Variants in SMURF1 observed in about 807,000 individuals in gnomAD.
SMURF1 encodes SMAD specific E3 ubiquitin protein ligase 1, also known as E3 ubiquitin-protein ligase SMURF1.
In SMURF1, 44 loss-of-function variants were observed where a neutral mutation model predicts 98.0. The observed-to-expected ratio is 0.45, with a 90% CI of 0.35 to 0.58. The LOEUF is 0.58. Among genes scored for constraint, SMURF1 ranks in the 20% least tolerant of loss-of-function variants. The probability of loss-of-function intolerance (pLI) is 0.00; values close to 1 mark genes in which losing one functional copy is unlikely to be tolerated. For synonymous variants in SMURF1, 396 were observed against 374.9 expected, an observed-to-expected ratio of 1.06 and a Z score of -0.65; for missense variants, 687 against 938.4, an observed-to-expected ratio of 0.73 and a Z score of 3.50.
At chr7:99,039,339 A>T (rs1332950678) in intron 13 of SMURF1, among the ~76,000 whole-genome samples, 2 of 151,020 alleles carry the variant, frequency 1.3e-5, no homozygotes, top group Non-Finnish European at 2.9e-5. Context: ...AGAGTGGAAG[A>T]TTTTCTTTTT....
At chr7:99,035,295 G>A in intron 16 of SMURF1, 1 of 593,296 alleles carries the variant, frequency 1.7e-6, no homozygotes, top group Non-Finnish European at 3.0e-6. Context: ...GTGCCCTGGA[G>A]TGGCTCCACA....
chr7:99,093,986 C>G, intron 1 of SMURF1, among the ~76,000 whole-genome samples: 1 of 152,066 alleles, frequency 6.6e-6, no homozygotes, highest in East Asian at 1.9e-4. Context: ...AATTTACGCA[C>G]AAGATTAACA....
intron 11 of SMURF1, among the ~76,000 whole-genome samples, chr7:99,044,438 C>T (rs1351973036): frequency 6.6e-6 from 1 of 152,232 alleles, no homozygotes; most frequent in East Asian, 1.9e-4. Flanking sequence ...ACCGTATAAA[C>T]TTTCATCCCT....
At chr7:99,078,731 G>T (rs1456687163) in intron 1 of SMURF1, among the ~76,000 whole-genome samples, 2 of 152,236 alleles carry the variant, frequency 1.3e-5, no homozygotes, top group Non-Finnish European at 2.9e-5. Context: ...CCTTTTATGA[G>T]AATCTAATGC....
At chr7:99,035,912 A>C in intron 15 of SMURF1, 196 bp from the exon 16 acceptor site, 1 of 607,424 alleles carries the variant, frequency 1.6e-6, no homozygotes, top group Non-Finnish European at 2.9e-6. Flanking sequence ...CGCCTCCTCC[A>C]AACGGGTCTC....
At chr7:99,107,204 T>C (rs184428922) in intron 1 of SMURF1, among the ~76,000 whole-genome samples, 1 of 152,324 alleles carries the variant, frequency 6.6e-6, no homozygotes, top group African/African-American at 2.4e-5. Flanking sequence ...ACCCTCACCA[T>C]GGGGAGCCTC....
In SMURF1 at chr7:99,047,864, C is replaced by T. The variant is rs199541992; in HGVS notation, c.972G>A (p.Lys324=). The T allele has an allele frequency of 3.5e-4, 561 of 1,613,938 alleles. 2 individuals are homozygous for T. The highest frequency in any genetic ancestry group is 1.6e-4 in the Non-Finnish European group (189 of 1,180,038). The change falls in exon 10 of 18, where the codon AAG becomes AAA. Residue 324 remains lysine (K), a synonymous_variant. Coordinates refer to ENST00000361368, the MANE Select transcript of SMURF1 (RefSeq NM_181349.3). ...GCAGTGGCAGCGGCTGGCTGGGCTC[C>T]TTGAGTTGGCACTGGTGACTTGAGA... ...HHIMNHQCQL[K]EPSQPLPLPS... is the part of the protein sequence containing the mutation.
chr7:99,097,119 T>C lies in SMURF1; in HGVS notation c.56-35282A>G, dbSNP rs539942499. On this transcript the variant is annotated intron_variant, in intron 1 of 17. Coordinates refer to ENST00000361368, the MANE Select transcript of SMURF1 (RefSeq NM_181349.3). Reference sequence around the variant, plus strand: ...AAAGTTTGTGAGATTCAGCTAAACTTAGAATGAAATTTATAAGATTAAATG... The same window carrying C: ...AAAGTTTGTGAGATTCAGCTAAACTCAGAATGAAATTTATAAGATTAAATG... Among the ~76,000 whole-genome samples the C allele has an allele frequency of 2.6e-5, 4 of 152,060 alleles. No individual in the cohort carries two copies. The South Asian group carries it at 6.2e-4, about 24-fold the overall frequency.
chr7:99,065,300 C>T (rs984642084), intron 1 of SMURF1, among the ~76,000 whole-genome samples: 6 of 151,998 alleles, frequency 3.9e-5, no homozygotes, highest in East Asian at 1.9e-4. Flanking sequence ...GTTGCCCAGG[C>T]GGGTCTGAAA....
intron 1 of SMURF1, chr7:99,121,029 C>T (rs2150622351): frequency 1.3e-5 from 2 of 151,820 alleles, no homozygotes; most frequent in East Asian, 3.9e-4. Flanking sequence ...ATAAGCTATT[C>T]TGTATAACAG....
At chr7:99,112,724 G>A (rs1797350920) in intron 1 of SMURF1, among the ~76,000 whole-genome samples, 1 of 152,000 alleles carries the variant, frequency 6.6e-6, no homozygotes, top group African/African-American at 2.4e-5. Flanking sequence ...TGCTTGAAGA[G>A]CTAAAAACAA....
At chr7:99,036,756 A>T (rs962553244) in intron 15 of SMURF1, among the ~76,000 whole-genome samples, 4 of 152,192 alleles carry the variant, frequency 2.6e-5, no homozygotes, top group Admixed American at 1.3e-4. Flanking sequence ...TGGTTCTCCC[A>T]AGACAGGAGA....
chr7:99,038,611 A>C (rs1360171483), intron 13 of SMURF1, 86 bp from the exon 14 acceptor site: 11 of 1,512,834 alleles, frequency 7.3e-6, no homozygotes, highest in African/African-American at 1.4e-5. Flanking sequence ...TACGACTGCC[A>C]AACCCGGGGC....
rs1269992893 is a variant in SMURF1, at chr7:99,057,243, T to A, written c.365A>T (p.Asn122Ile). The A allele has an allele frequency of 1.9e-6, 3 of 1,614,038 alleles. No homozygotes were observed. In the East Asian group the frequency reaches 6.7e-5, roughly 36 times the overall value. ...ACGAACTGCATCAGTATCTGAGGGG[T>A]TTAGTTTGCATAGATCCAAACGCTG... ...GYQRLDLCKLNPSDTDAVRGQ... is the reference protein window; with the variant it reads ...GYQRLDLCKLIPSDTDAVRGQ... The change falls in exon 5 of 18, where the codon AAC becomes ATC. Residue 122 changes from asparagine (N) to isoleucine (I), a missense_variant. Asn to Ile is a moderately radical substitution (Grantham distance 149, BLOSUM62 -3). Transcript: ENST00000361368.
At chr7:99,096,365 A>C (rs1272403456) in intron 1 of SMURF1, among the ~76,000 whole-genome samples, 1 of 152,246 alleles carries the variant, frequency 6.6e-6, no homozygotes, top group Non-Finnish European at 1.5e-5. Context: ...TATTCTCCAC[A>C]GTATTTACAC....
chr7:99,098,625 T>C (rs1366684765), intron 1 of SMURF1, among the ~76,000 whole-genome samples: 19 of 152,104 alleles, frequency 1.2e-4, no homozygotes, highest in Non-Finnish European at 2.6e-4. Flanking sequence ...AACAGCAGCA[T>C]ACAAAATAGC....
At position 99,079,983 on chromosome 7, in the gene SMURF1, A is replaced by G. The variant is rs113025098; in HGVS notation, c.56-18146T>C. Among the ~76,000 whole-genome samples the G allele has an allele frequency of 9.6e-4, 141 of 146,274 alleles. 2 individuals are homozygous for G. Among genetic ancestry groups the G allele is most frequent in the African/African-American group, 3.3e-3 (135 of 41,378 alleles). On this transcript the variant is annotated intron_variant, in intron 1 of 17. Coordinates refer to ENST00000361368, the MANE Select transcript of SMURF1 (RefSeq NM_181349.3). Reference sequence around the variant, plus strand: ...GTCAAACCAGAAGCCGGTTCTTTTAAAAGATTAGTTAAGAAAAAAAAAAAA... The same window carrying G: ...GTCAAACCAGAAGCCGGTTCTTTTAGAAGATTAGTTAAGAAAAAAAAAAAA...
chr7:99,097,443 A>T (rs1471732840), intron 1 of SMURF1, among the ~76,000 whole-genome samples: 4 of 152,242 alleles, frequency 2.6e-5, no homozygotes, highest in Non-Finnish European at 5.9e-5. Context: ...TATTTAGGTC[A>T]TGAAGGCTCT....
At chr7:99,123,780 A>G (rs1328738287) in intron 1 of SMURF1, among the ~76,000 whole-genome samples, 1 of 152,232 alleles carries the variant, frequency 6.6e-6, no homozygotes, top group East Asian at 1.9e-4. Flanking sequence ...GAAAAGAACT[A>G]GATTTAGAAA....
Sources: gnomAD v4.1 joint callset for allele counts (sites outside exome capture counted in the v4.1 genomes callset) on GRCh38, gnomAD v4.1.1 for gene constraint, MANE v1.5 for transcripts, NCBI Gene and HGNC (gene_info 2026-07-23, HGNC 2026-07-21) for gene names.